Variants in DLG2 observed in about 807,000 individuals in gnomAD.
DLG2 encodes disks large homolog 2.
A neutral mutation model predicts 132.5 loss-of-function variants in DLG2; 45 were observed. The ratio of observed to expected loss-of-function variants is 0.34; its 90% CI spans 0.27 to 0.44. The LOEUF is 0.44. DLG2 is among the 20% of genes least tolerant of loss of function. The probability of loss-of-function intolerance (pLI) is 1.00; values close to 1 mark genes in which losing one functional copy is unlikely to be tolerated. For synonymous variants in DLG2, 424 were observed against 419.6 expected (o/e 1.01, Z -0.13); for missense variants, 1,045 against 1,196.9 (o/e 0.87, Z 1.87).
chr11:84,231,240 C>A (rs1005825812), intron 8 of DLG2, among the ~76,000 whole-genome samples: 2 of 152,152 alleles, frequency 1.3e-5, no homozygotes, highest in Non-Finnish European at 2.9e-5. Flanking sequence ...CAAAAGGGAG[C>A]CTCAAGCTAT....
chr11:85,013,768 T>C (rs1195020198), intron 6 of DLG2, among the ~76,000 whole-genome samples: 2 of 152,152 alleles, frequency 1.3e-5, no homozygotes, highest in African/African-American at 4.8e-5. Flanking sequence ...TAAAATTCTT[T>C]TAGAAATCTA....
intron 3 of DLG2, among the ~76,000 whole-genome samples, chr11:85,527,054 G>C (rs570418877): frequency 2.0e-5 from 3 of 152,156 alleles, no homozygotes; most frequent in African/African-American, 7.2e-5. Flanking sequence ...CTTTTAAAAT[G>C]GGCAAGAGTC....
chr11:83,464,336 G>T lies in DLG2; in HGVS notation c.2730-2243C>A, dbSNP rs2090609319. On this transcript the variant is annotated intron_variant, in intron 26 of 27. Coordinates refer to ENST00000376104, the MANE Select transcript of DLG2 (RefSeq NM_001142699.3). ...GCACTTGAGAAATAATGTGTGTGAT[G>T]ATGTATCAATGTGTAAATGTGACAG... 1.3e-5 allele frequency among the ~76,000 whole-genome samples: 2 copies of T among 152,228 alleles called. 1 individual carries two copies. The highest frequency in any genetic ancestry group is 4.8e-5 in the African/African-American group (2 of 41,454).
intron 20 of DLG2, among the ~76,000 whole-genome samples, chr11:83,534,989 T>C (rs1184200427): frequency 6.6e-6 from 1 of 152,110 alleles, no homozygotes; most frequent in Admixed American, 6.6e-5. Flanking sequence ...AGTAAAACAA[T>C]GTGTTCCACC....
chr11:83,994,653 C>G (rs892585995), intron 11 of DLG2, among the ~76,000 whole-genome samples: 1 of 152,100 alleles, frequency 6.6e-6, no homozygotes, highest in African/African-American at 2.4e-5. Flanking sequence ...ATGCAGTGAG[C>G]TACTTCATCA....
At chr11:83,636,847 C>G (rs2064997671) in intron 18 of DLG2, among the ~76,000 whole-genome samples, 1 of 152,128 alleles carries the variant, frequency 6.6e-6, no homozygotes, top group African/African-American at 2.4e-5. Context: ...ATTTATACTG[C>G]ATTTGCCTTA....
intron 6 of DLG2, among the ~76,000 whole-genome samples, chr11:85,055,379 G>A (rs574788620): frequency 1.3e-4 from 20 of 152,118 alleles, no homozygotes; most frequent in African/African-American, 4.6e-4. Context: ...AACAAGTCAC[G>A]AAGTCAGCCA....
At chr11:84,742,849 T>C (rs548259491) in intron 6 of DLG2, among the ~76,000 whole-genome samples, 5 of 152,328 alleles carry the variant, frequency 3.3e-5, no homozygotes, top group South Asian at 4.1e-4. Flanking sequence ...CTGAACTTTT[T>C]ACTGTCTCTA....
At chr11:85,303,188 AG>A (rs1364852474) in intron 3 of DLG2, among the ~76,000 whole-genome samples, 2 of 152,194 alleles carry the variant, frequency 1.3e-5, no homozygotes, top group Non-Finnish European at 2.9e-5. Flanking sequence ...CCATTACTTA[AG>A]GAAAATTGAA....
chr11:84,309,211 A>G (rs2098263532), intron 7 of DLG2, among the ~76,000 whole-genome samples: 1 of 152,250 alleles, frequency 6.6e-6, no homozygotes, highest in Non-Finnish European at 1.5e-5. Context: ...AAGTTGGAAG[A>G]AAAACATTAA....
At chr11:85,461,367 G>T (rs78221268) in intron 3 of DLG2, among the ~76,000 whole-genome samples, 3,445 of 152,254 alleles carry the variant, frequency 0.023, 125 homozygotes, top group African/African-American at 0.077. Flanking sequence ...CTTCTTTCAG[G>T]TGTATTGACA....
intron 18 of DLG2, among the ~76,000 whole-genome samples, chr11:83,666,599 G>T (rs1346449828): frequency 6.6e-6 from 1 of 152,142 alleles, no homozygotes; most frequent in African/African-American, 2.4e-5. Flanking sequence ...AGTTCCTGGT[G>T]CCAAAAAGTT....
At chr11:83,971,569 T>C (rs1165654971) in intron 12 of DLG2, among the ~76,000 whole-genome samples, 1 of 152,162 alleles carries the variant, frequency 6.6e-6, no homozygotes, top group Non-Finnish European at 1.5e-5. Context: ...TACTGACCTT[T>C]CCATGTTCTT....
At chr11:84,968,478 A>C (rs1414605725) in intron 6 of DLG2, among the ~76,000 whole-genome samples, 2 of 152,136 alleles carry the variant, frequency 1.3e-5, no homozygotes, top group Non-Finnish European at 2.9e-5. Context: ...GTCATTACGT[A>C]TCCCTTAGAG....
At chr11:85,200,803 C>G (rs1348279837) in intron 4 of DLG2, among the ~76,000 whole-genome samples, 1 of 152,176 alleles carries the variant, frequency 6.6e-6, no homozygotes, top group Non-Finnish European at 1.5e-5. Context: ...CTCTCAGCTC[C>G]AGCCCCAGTC....
intron 7 of DLG2, among the ~76,000 whole-genome samples, chr11:84,372,137 TC>T (rs1418587353): frequency 6.6e-6 from 1 of 152,196 alleles, no homozygotes; most frequent in African/African-American, 2.4e-5. Flanking sequence ...ACATTTAGAT[TC>T]ATATTGTACA....
At chr11:83,867,214 T>G (rs984819810) in intron 16 of DLG2, among the ~76,000 whole-genome samples, 6 of 152,080 alleles carry the variant, frequency 3.9e-5, no homozygotes, top group African/African-American at 1.4e-4. Flanking sequence ...GGTAGTGACT[T>G]AAAAATGTGG....
intron 9 of DLG2, among the ~76,000 whole-genome samples, chr11:84,109,339 G>A (rs1239451671): frequency 3.9e-5 from 6 of 152,088 alleles, no homozygotes; most frequent in Admixed American, 2.0e-4. Context: ...TAGGATTATG[G>A]GCTTTCCTGG....
chr11:84,327,244 C>T (rs544407934), intron 7 of DLG2, among the ~76,000 whole-genome samples: 10 of 151,328 alleles, frequency 6.6e-5, no homozygotes, highest in Non-Finnish European at 1.0e-4. Flanking sequence ...CCACCATGCC[C>T]GGCTAATTTT....
Sources: allele counts gnomAD v4.1 joint callset (sites outside exome capture counted in the v4.1 genomes callset), GRCh38; gene constraint gnomAD v4.1.1; transcripts MANE v1.5; gene names NCBI Gene and HGNC (gene_info 2026-07-23, HGNC 2026-07-21).